DLG2: variants seen among roughly 807,000 people sequenced by gnomAD.
DLG2 encodes discs large MAGUK scaffold protein 2.
Under a neutral mutation model 132.5 loss-of-function variants are expected in DLG2, and 45 were observed. The observed-to-expected ratio is 0.34, with a 90% confidence interval of 0.27 to 0.44. DLG2 has a LOEUF of 0.44. DLG2 is among the 20% of genes least tolerant of loss of function. The pLI is 1.00. For synonymous variants in DLG2, 424 were observed against 419.6 expected (o/e 1.01, Z -0.13); for missense variants, 1,045 against 1,196.9 (o/e 0.87, Z 1.87).
At chr11:85,297,058 T>C (rs957297872) in intron 3 of DLG2, among the ~76,000 whole-genome samples, 11 of 151,522 alleles carry the variant, frequency 7.3e-5, no homozygotes, top group Non-Finnish European at 1.3e-4. Flanking sequence ...CTAGAAAATC[T>C]TATGAGAATG....
chr11:83,521,276 C>T (rs2095473851), intron 21 of DLG2, among the ~76,000 whole-genome samples: 1 of 152,182 alleles, frequency 6.6e-6, no homozygotes, highest in South Asian at 2.1e-4. Flanking sequence ...ACTTATTTTC[C>T]AGTATCCACA....
intron 7 of DLG2, among the ~76,000 whole-genome samples, chr11:84,520,739 C>A (rs1249194772): frequency 1.3e-5 from 2 of 152,140 alleles, no homozygotes; most frequent in African/African-American, 4.8e-5. Context: ...GTGGAGGTAG[C>A]CACACAGGAA....
chr11:85,108,002 A>T (rs1465235436), intron 6 of DLG2, among the ~76,000 whole-genome samples: 2 of 71,144 alleles, frequency 2.8e-5, no homozygotes, highest in Non-Finnish European at 4.9e-5. Context: ...AAAAACAAAC[A>T]AATAAACACA....
intron 6 of DLG2, among the ~76,000 whole-genome samples, chr11:85,043,846 C>A (rs1182211297): frequency 2.0e-5 from 3 of 151,930 alleles, no homozygotes; most frequent in Non-Finnish European, 4.4e-5. Flanking sequence ...TCTTTTCTCT[C>A]CCTAATCCTC....
intron 6 of DLG2, among the ~76,000 whole-genome samples, chr11:85,071,862 T>C (rs2154167333): frequency 6.6e-6 from 1 of 151,934 alleles, no homozygotes; most frequent in Non-Finnish European, 1.5e-5. Flanking sequence ...TGTTCAGAAA[T>C]GGAAAACATT....
chr11:84,110,250 C>T (rs952677543), intron 9 of DLG2, among the ~76,000 whole-genome samples: 16 of 152,092 alleles, frequency 1.1e-4, no homozygotes, highest in South Asian at 8.3e-4. Flanking sequence ...GGGTTGAGAA[C>T]GTATCTCATC....
intron 19 of DLG2, among the ~76,000 whole-genome samples, chr11:83,575,534 G>C (rs1303412268): frequency 6.6e-6 from 1 of 152,190 alleles, no homozygotes; most frequent in Non-Finnish European, 1.5e-5. Flanking sequence ...GCATCTGTGT[G>C]CATGAAGAAA....
intron 7 of DLG2, among the ~76,000 whole-genome samples, chr11:84,498,452 A>C (rs1043151273): frequency 2.0e-5 from 3 of 152,098 alleles, no homozygotes; most frequent in African/African-American, 4.8e-5. Context: ...CCCACCACCA[A>C]CAACAAAATT....
intron 7 of DLG2, among the ~76,000 whole-genome samples, chr11:84,489,433 T>C (rs1164797515): frequency 6.6e-6 from 1 of 152,130 alleles, no homozygotes; most frequent in African/African-American, 2.4e-5. Flanking sequence ...AAACACTCCA[T>C]TCCCTGCTTC....
intron 6 of DLG2, among the ~76,000 whole-genome samples, chr11:84,829,406 T>C (rs1404553532): frequency 6.6e-6 from 1 of 151,752 alleles, no homozygotes; most frequent in Non-Finnish European, 1.5e-5. Flanking sequence ...ATAATGAACA[T>C]ATTACATAGG....
At chr11:84,351,051 A>G (rs1483224869) in intron 7 of DLG2, among the ~76,000 whole-genome samples, 4 of 152,216 alleles carry the variant, frequency 2.6e-5, no homozygotes, top group Non-Finnish European at 1.5e-5. Flanking sequence ...TCTATTATAC[A>G]GAACTTTAGA....
At chr11:83,654,399 T>G (rs947011025) in intron 18 of DLG2, among the ~76,000 whole-genome samples, 2 of 152,206 alleles carry the variant, frequency 1.3e-5, no homozygotes, top group African/African-American at 4.8e-5. Context: ...GAGCATACCT[T>G]GTACTTTCCC....
intron 3 of DLG2, among the ~76,000 whole-genome samples, chr11:85,304,084 G>T (rs1206422401): frequency 6.6e-6 from 1 of 152,112 alleles, no homozygotes; most frequent in African/African-American, 2.4e-5. Flanking sequence ...AAACAAAGCT[G>T]CTCTATTGAA....
chr11:84,714,472 A>C (rs949478699), intron 6 of DLG2, among the ~76,000 whole-genome samples: 7 of 152,036 alleles, frequency 4.6e-5, no homozygotes, highest in African/African-American at 1.7e-4. Flanking sequence ...AGGCCCTCTG[A>C]TATTGGGTGA....
intron 18 of DLG2, among the ~76,000 whole-genome samples, chr11:83,652,714 G>A (rs1255584212): frequency 6.6e-6 from 1 of 152,100 alleles, no homozygotes; most frequent in Non-Finnish European, 1.5e-5. Context: ...TATCATTGTG[G>A]TATGATTCAC....
intron 3 of DLG2, among the ~76,000 whole-genome samples, chr11:85,370,740 G>C (rs546918185): frequency 4.0e-4 from 61 of 152,242 alleles, no homozygotes; most frequent in African/African-American, 1.4e-3. Context: ...CTGGCTTTTT[G>C]AGTACTTCAG....
At chr11:85,475,410 T>A (rs1167688223) in intron 3 of DLG2, among the ~76,000 whole-genome samples, 1 of 151,840 alleles carries the variant, frequency 6.6e-6, no homozygotes, top group Non-Finnish European at 1.5e-5. Flanking sequence ...TCAACCAGAG[T>A]ACAAAAAATA....
intron 6 of DLG2, among the ~76,000 whole-genome samples, chr11:84,789,969 C>T (rs552010449): frequency 6.6e-6 from 1 of 152,260 alleles, no homozygotes; most frequent in African/African-American, 2.4e-5. Flanking sequence ...ACCACATTTT[C>T]TTTATCAATT....
chr11:84,280,894 T>TTTTTTTTTTTTTTTTTTTG (rs71036420), intron 7 of DLG2, among the ~76,000 whole-genome samples: 1 of 142,850 alleles, frequency 7.0e-6, no homozygotes, highest in African/African-American at 2.7e-5. Context: ...TTTTTTTTTT[T>TTTTTTTTTTTTTTTTTTTG]GTATTTTTAG....
Sources: gnomAD v4.1 joint callset for allele counts (sites outside exome capture counted in the v4.1 genomes callset) on GRCh38, gnomAD v4.1.1 for gene constraint, MANE v1.5 for transcripts, NCBI Gene and HGNC (gene_info 2026-07-23, HGNC 2026-07-21) for gene names.